IRAK1BP1: variants seen among roughly 807,000 people sequenced by gnomAD.
IRAK1BP1 encodes interleukin-1 receptor-associated kinase 1-binding protein 1.
In IRAK1BP1, 24 loss-of-function variants were observed where a neutral mutation model predicts 28.0. The ratio of observed to expected loss-of-function variants is 0.86; its 90% CI spans 0.62 to 1.20. The LOEUF is 1.20. Among genes scored for constraint, IRAK1BP1 ranks in the 50% most tolerant of loss-of-function variants. IRAK1BP1 has a pLI of 0.00. For synonymous variants in IRAK1BP1, 131 were observed against 116.3 expected (o/e 1.13, Z -0.81); for missense variants, 336 against 316.7 (o/e 1.06, Z -0.46).
chr6:78,880,053 G>A (rs1771168485), intron 1 of IRAK1BP1, among the ~76,000 whole-genome samples: 1 of 152,192 alleles, frequency 6.6e-6, no homozygotes, highest in Non-Finnish European at 1.5e-5. Context: ...TTCCTGGGCA[G>A]TTGAGTGTAG....
the IRAK1BP1 span, among the ~76,000 whole-genome samples, chr6:78,974,638 T>C: frequency 2.0e-5 from 3 of 150,920 alleles, no homozygotes; most frequent in African/African-American, 4.9e-5. Flanking sequence ...GCAAGACTAA[T>C]AAAAGAAAAA....
chr6:78,872,913 T>G (rs1581988541), intron 1 of IRAK1BP1, among the ~76,000 whole-genome samples: 1 of 152,084 alleles, frequency 6.6e-6, no homozygotes, highest in South Asian at 2.1e-4. Context: ...TGCCCATTTT[T>G]CTATTGTCTT....
chr6:78,911,402 T>G (rs1399334498), intron 4 of IRAK1BP1, among the ~76,000 whole-genome samples: 3 of 152,130 alleles, frequency 2.0e-5, no homozygotes, highest in African/African-American at 7.2e-5. Flanking sequence ...TTGATCCTTC[T>G]CTCCTGCTCC....
intron 4 of IRAK1BP1, among the ~76,000 whole-genome samples, chr6:78,914,754 A>G (rs940199756): frequency 2.0e-5 from 3 of 152,212 alleles, no homozygotes; most frequent in Non-Finnish European, 2.9e-5. Flanking sequence ...GCTTAATACG[A>G]TGAACAAATT....
the IRAK1BP1 span, chr6:78,961,763 T>C: frequency 6.2e-7 from 1 of 1,611,120 alleles, no homozygotes; most frequent in South Asian, 1.1e-5. Flanking sequence ...GTGCAATACA[T>C]GGGATAGGCT....
In IRAK1BP1 at chr6:78,901,508, T is replaced by C. The variant is rs1772096031; in HGVS notation, c.*3174T>C. ...TATCCTAAACTTAATCCTGTTAGAA[T>C]TTCCTTCTTTTGAACTCTGTTTAAA... On this transcript the variant is annotated 3_prime_UTR_variant, in exon 4 of 4. Transcript: ENST00000369940. 1 of 151,956 alleles carries C rather than the reference T, an allele frequency of 6.6e-6. No individual in the cohort carries two copies. The highest frequency in any genetic ancestry group is 1.5e-5 in the Non-Finnish European group (1 of 67,960). The allele number at this position is 151,956 out of a possible 1,614,324, so 9.4% of individuals were successfully genotyped here.
In IRAK1BP1 at chr6:78,923,687, A is replaced by G. The variant is rs555463612; in HGVS notation, c.*67+20577A>G. Among the ~76,000 whole-genome samples, 895 of 152,302 alleles carry G rather than the reference A, an allele frequency of 5.9e-3. 4 individuals are homozygous for G. Among genetic ancestry groups the G allele is most frequent in the African/African-American group, 0.02 (825 of 41,566 alleles). On this transcript the variant is annotated intron_variant and NMD_transcript_variant, in intron 4 of 4. Transcript: ENST00000606868. Reference sequence around the variant, plus strand: ...TTGGAAGTAAAGCACTCCTCAGCAAATGTAAAAGAACAGAAATTATAACAA... The same window carrying G: ...TTGGAAGTAAAGCACTCCTCAGCAAGTGTAAAAGAACAGAAATTATAACAA...
rs1772077266 is a variant in IRAK1BP1 at position 78,901,087 on chromosome 6, G to A, written c.*2753G>A. The A allele has an allele frequency of 6.6e-6, 1 of 151,506 alleles. No individual in the cohort carries two copies. The highest frequency in any genetic ancestry group is 2.4e-5 in the African/African-American group (1 of 41,300). The allele number at this position is 151,506 out of a possible 1,614,324, so 9.4% of individuals were successfully genotyped here. On this transcript the variant is annotated 3_prime_UTR_variant, in exon 4 of 4. Coordinates refer to ENST00000369940, the MANE Select transcript of IRAK1BP1 (RefSeq NM_001010844.4). Reference sequence around the variant, plus strand: ...GTTCTCAACAAAAATTTAATCACATGGGTAGTTTTTTTTTTTTTAGCTATG... The same window carrying A: ...GTTCTCAACAAAAATTTAATCACATAGGTAGTTTTTTTTTTTTTAGCTATG...
the IRAK1BP1 span, among the ~76,000 whole-genome samples, chr6:78,977,264 A>T: frequency 6.6e-6 from 1 of 151,436 alleles, no homozygotes; most frequent in African/African-American, 2.4e-5. Context: ...TTCTCAGTAA[A>T]CTATTGCAAG....
intron 4 of IRAK1BP1, among the ~76,000 whole-genome samples, chr6:78,914,302 G>T (rs919269117): frequency 1.3e-5 from 2 of 152,290 alleles, no homozygotes; most frequent in South Asian, 4.1e-4. Flanking sequence ...GCCTGAAAAT[G>T]AATCTTAATT....
chr6:78,868,718 A>G (rs1251863373), intron 1 of IRAK1BP1, among the ~76,000 whole-genome samples: 1 of 152,262 alleles, frequency 6.6e-6, no homozygotes, highest in Non-Finnish European at 1.5e-5. Context: ...CTTTAGGTAG[A>G]GCAATATTTG....
intron 1 of IRAK1BP1, among the ~76,000 whole-genome samples, chr6:78,871,022 A>C (rs1229417820): frequency 6.6e-6 from 1 of 152,086 alleles, no homozygotes; most frequent in Non-Finnish European, 1.5e-5. Flanking sequence ...ATTTTTAAAC[A>C]ATACTTTATA....
chr6:78,935,632 C>T (rs1177725539), intron 4 of IRAK1BP1: 1 of 982,124 alleles, frequency 1.0e-6, no homozygotes, highest in Non-Finnish European at 1.2e-6. Flanking sequence ...AGTTTTTGAC[C>T]TTCAGTTGTT....
chr6:78,907,071 A>C (rs1269950127), downstream of IRAK1BP1, among the ~76,000 whole-genome samples: 1 of 152,204 alleles, frequency 6.6e-6, no homozygotes, highest in African/African-American at 2.4e-5. Flanking sequence ...GCAAACTGTC[A>C]CTACACTATT....
chr6:78,887,536 G>T (rs1771471819), intron 2 of IRAK1BP1, among the ~76,000 whole-genome samples: 1 of 151,964 alleles, frequency 6.6e-6, no homozygotes, highest in Non-Finnish European at 1.5e-5. Flanking sequence ...TGTGGTGGCG[G>T]GCGCCTGTAA....
chr6:78,910,183 G>T (rs542260383), intron 4 of IRAK1BP1, among the ~76,000 whole-genome samples: 10 of 152,328 alleles, frequency 6.6e-5, no homozygotes, highest in African/African-American at 2.4e-4. Flanking sequence ...ATGAGGGAAT[G>T]CCTGCTCGGG....
intron 1 of IRAK1BP1, among the ~76,000 whole-genome samples, chr6:78,876,931 A>C (rs1348390528): frequency 6.6e-6 from 1 of 152,194 alleles, no homozygotes; most frequent in African/African-American, 2.4e-5. Context: ...CACCAGCCAG[A>C]CTATCAGAAA....
intron 4 of IRAK1BP1, among the ~76,000 whole-genome samples, chr6:78,908,494 A>T (rs1040418014): frequency 2.0e-5 from 3 of 151,914 alleles, no homozygotes; most frequent in Non-Finnish European, 4.4e-5. Context: ...GACTCAACCA[A>T]CACACCTGGC....
At chr6:78,889,312 C>T (rs151252681) in intron 2 of IRAK1BP1, among the ~76,000 whole-genome samples, 13 of 151,604 alleles carry the variant, frequency 8.6e-5, no homozygotes, top group African/African-American at 3.1e-4. Flanking sequence ...AACCTAAAAC[C>T]ATAAAAACCC....
Sources: gnomAD v4.1 joint callset for allele counts (sites outside exome capture counted in the v4.1 genomes callset) on GRCh38, gnomAD v4.1.1 for gene constraint, MANE v1.5 for transcripts, NCBI Gene and HGNC (gene_info 2026-07-23, HGNC 2026-07-21) for gene names.